The following PHIP variants were observed in gnomAD, a reference collection of about 807,000 sequenced individuals.
PHIP encodes PHIP subunit of CUL4-Ring ligase complex.
A neutral mutation model predicts 236.8 loss-of-function variants in PHIP; 54 were observed. That is an observed-to-expected ratio of 0.23 (90% CI 0.18 to 0.29). PHIP has a LOEUF of 0.29. Among genes scored for constraint, PHIP ranks in the 10% least tolerant of loss-of-function variants. PHIP has a pLI of 1.00. For synonymous variants in PHIP, 756 were observed against 718.9 expected, an observed-to-expected ratio of 1.05 and a Z score of -0.83; for missense variants, 1,370 against 2,190.8, an observed-to-expected ratio of 0.63 and a Z score of 7.48.
chr6:79,035,104 G>A (rs971391036), intron 7 of PHIP, among the ~76,000 whole-genome samples: 1 of 152,076 alleles, frequency 6.6e-6, no homozygotes, highest in Non-Finnish European at 1.5e-5. Flanking sequence ...GACCCATGAG[G>A]TATCATAATG....
intron 23 of PHIP, among the ~76,000 whole-genome samples, chr6:78,979,137 C>G (rs941344993): frequency 3.9e-5 from 6 of 152,036 alleles, no homozygotes; most frequent in Non-Finnish European, 5.9e-5. Flanking sequence ...CTGCAGGGGT[C>G]TTGGGACCAA....
chr6:79,037,934 C>T (rs1287278871), intron 7 of PHIP, among the ~76,000 whole-genome samples: 1 of 152,192 alleles, frequency 6.6e-6, no homozygotes, highest in East Asian at 1.9e-4. Flanking sequence ...AGACATCTGT[C>T]ATGGCAATGT....
intron 4 of PHIP, among the ~76,000 whole-genome samples, chr6:79,066,377 TA>T (rs1303276201): frequency 1.3e-5 from 2 of 152,106 alleles, no homozygotes; most frequent in Non-Finnish European, 2.9e-5. Flanking sequence ...TCCCATTCTA[TA>T]AAAAAATTAT....
intron 15 of PHIP, among the ~76,000 whole-genome samples, chr6:79,004,814 TTTAG>T: frequency 6.6e-6 from 1 of 152,232 alleles, no homozygotes; most frequent in African/African-American, 2.4e-5. Context: ...ACTTTCTTTC[TTTAG>T]TATTAAAAAT....
chr6:79,018,611 T>C (rs1338023), intron 10 of PHIP, among the ~76,000 whole-genome samples: 5 of 151,754 alleles, frequency 3.3e-5, no homozygotes, highest in South Asian at 2.1e-4. Flanking sequence ...CAAATCTGAA[T>C]TGGAATCTTA....
intron 4 of PHIP, among the ~76,000 whole-genome samples, chr6:79,072,321 C>A (rs1773923261): frequency 2.0e-5 from 3 of 152,176 alleles, no homozygotes; most frequent in Admixed American, 6.5e-5. Context: ...TTCAGTGTTC[C>A]ATAAAAACAA....
intron 17 of PHIP, among the ~76,000 whole-genome samples, chr6:78,999,006 A>G (rs1221340512): frequency 1.3e-5 from 2 of 152,146 alleles, no homozygotes; most frequent in African/African-American, 4.8e-5. Flanking sequence ...GTGTTGAAAT[A>G]AAGAAGGTGA....
rs146708631 is a variant in PHIP, at chr6:78,984,252, G to C, written c.2537+1100C>G. On this transcript the variant is annotated intron_variant, in intron 22 of 39. Transcript: ENST00000275034. ...TTAAGATGTTCTCTAGCATGATTTA[G>C]TGATTTCACTATGAAATTTAAAATG... Among the ~76,000 whole-genome samples the C allele has an allele frequency of 1.1e-3, 170 of 152,274 alleles. 2 individuals carry two copies. In the East Asian group the frequency reaches 0.029, roughly 26 times the overall value.
intron 35 of PHIP, among the ~76,000 whole-genome samples, chr6:78,953,545 C>CA (rs1367568281): frequency 6.6e-6 from 1 of 152,178 alleles, no homozygotes; most frequent in African/African-American, 2.4e-5. Flanking sequence ...ATTATAGCAT[C>CA]AGCTCAGTCC....
intron 23 of PHIP, among the ~76,000 whole-genome samples, chr6:78,979,942 C>T (rs1562148122): frequency 6.6e-6 from 1 of 151,884 alleles, no homozygotes; most frequent in Non-Finnish European, 1.5e-5. Context: ...TCCTATTAGC[C>T]ACAGCCACAC....
intron 4 of PHIP, among the ~76,000 whole-genome samples, chr6:79,066,408 A>G (rs1413519973): frequency 6.6e-6 from 1 of 152,182 alleles, no homozygotes; most frequent in East Asian, 1.9e-4. Flanking sequence ...TTAAAAAGAT[A>G]TTGAGACCTT....
At chr6:79,037,367 G>T (rs113803582) in intron 7 of PHIP, among the ~76,000 whole-genome samples, 3 of 152,144 alleles carry the variant, frequency 2.0e-5, no homozygotes, top group East Asian at 3.9e-4. Context: ...AAGAAGCTGT[G>T]TTTTTCTCAG....
Position 78,954,808 on chromosome 6 carries a change from A to G in PHIP, c.4053+6T>C, listed in dbSNP as rs1766306517. On this transcript the variant is annotated splice_donor_region_variant and intron_variant, in intron 35 of 39. Transcript: ENST00000275034. ...AGGTAAAGAAAATATTTTCAAAAAT[A>G]CTTACTGGATATTCAAGGAGATCTA... is the stretch of plus-strand genomic sequence containing the variant. The G allele has an allele frequency of 6.4e-7, 1 of 1,565,608 alleles. No homozygotes were observed. Among genetic ancestry groups the G allele is most frequent in the Non-Finnish European group, 8.6e-7 (1 of 1,160,478 alleles).
chr6:78,963,064 G>GT, intron 30 of PHIP, 33 bp downstream of exon 30: 1 of 1,536,152 alleles, frequency 6.5e-7, no homozygotes, highest in Non-Finnish European at 8.7e-7. Context: ...TGTTCTGCCA[G>GT]TTTTTTCTAT....
Position 79,051,266 on chromosome 6 carries a change from G to C in PHIP, c.440-8263C>G, listed in dbSNP as rs117473269. On this transcript the variant is annotated intron_variant, in intron 6 of 39. Coordinates refer to ENST00000275034, the MANE Select transcript of PHIP (RefSeq NM_017934.7). ...TAGCAACCAACCAACATAGAAACAGGACAAATAAATCACCGTAATAGTAAC... is the reference window on the plus strand; with the variant it reads ...TAGCAACCAACCAACATAGAAACAGCACAAATAAATCACCGTAATAGTAAC... Among the ~76,000 whole-genome samples the C allele has an allele frequency of 8.3e-3, 1,268 of 152,148 alleles. 55 individuals carry two copies. Among genetic ancestry groups the C allele is most frequent in the Admixed American group, 0.07 (1,069 of 15,284 alleles).
intron 19 of PHIP, among the ~76,000 whole-genome samples, chr6:78,992,476 T>C (rs1769328642): frequency 6.6e-6 from 1 of 151,932 alleles, no homozygotes; most frequent in Non-Finnish European, 1.5e-5. Flanking sequence ...GCTTTGCAGA[T>C]AGTGCATTTT....
intron 4 of PHIP, among the ~76,000 whole-genome samples, chr6:79,077,087 C>G (rs942213736): frequency 6.6e-6 from 1 of 152,076 alleles, no homozygotes; most frequent in Non-Finnish European, 1.5e-5. Context: ...CGAGCGCGCT[C>G]TCCCTCTTCG....
intron 4 of PHIP, chr6:79,068,012 CA>C: frequency 6.3e-6 from 1 of 158,692 alleles, no homozygotes; most frequent in Non-Finnish European, 1.4e-5. Flanking sequence ...CCTTCCCAGC[CA>C]AAAAATTTTG....
At chr6:79,015,520 C>A in intron 14 of PHIP, 110 bp downstream of exon 14, 1 of 825,824 alleles carries the variant, frequency 1.2e-6, no homozygotes. Flanking sequence ...GCCGTTACCC[C>A]AGCAAGCAAG....
Sources: allele counts gnomAD v4.1 joint callset (sites outside exome capture counted in the v4.1 genomes callset), GRCh38; gene constraint gnomAD v4.1.1; transcripts MANE v1.5; gene names NCBI Gene and HGNC (gene_info 2026-07-23, HGNC 2026-07-21).